The following ZNF208 variants were observed in gnomAD, a reference collection of about 807,000 sequenced individuals.
ZNF208 encodes the protein zinc finger protein 95.
ZNF208 carries 10 observed loss-of-function variants against 12.1 expected under a neutral mutation model. The observed-to-expected ratio is 0.83, with a 90% confidence interval of 0.51 to 1.40. The LOEUF is 1.40. Among genes scored for constraint, ZNF208 ranks in the 40% most tolerant of loss-of-function variants. The probability of loss-of-function intolerance (pLI) is 0.00; values close to 1 mark genes in which losing one functional copy is unlikely to be tolerated. For synonymous variants in ZNF208, 497 were observed against 488.4 expected (o/e 1.02, Z -0.23); for missense variants, 1,652 against 1,485.0 (o/e 1.11, Z -1.85).
Position 21,958,865 on chromosome 19 carries a change from G to A in ZNF208, c.305+15864C>T, listed in dbSNP as rs12983951. On this transcript the variant is annotated intron_variant, in intron 4 of 4. Transcript: ENST00000599916. ...GGGATTAGCTAGTTAGCCTAAGGTG[G>A]ACAGCAAGGGAAGGGTCCCCAGAGA... 4.1e-3 allele frequency among the ~76,000 whole-genome samples: 629 copies of A among 152,178 alleles called. 1 individual carries two copies. The highest frequency in any genetic ancestry group is 6.2e-3 in the Admixed American group (95 of 15,270).
intron 1 of ZNF208, among the ~76,000 whole-genome samples, chr19:22,010,316 T>C (rs1027917327): frequency 6.6e-6 from 1 of 152,238 alleles, no homozygotes; most frequent in Non-Finnish European, 1.5e-5. Flanking sequence ...GACCATTAAC[T>C]ACAACCCATA....
rs192478024 is a variant in ZNF208 at position 21,956,588 on chromosome 19, T to G, written c.305+18141A>C. The stretch of plus-strand genomic sequence containing the variant: ...GCCACCTTGCAGTTCAATCTCAGAC[T>G]GCTGTGCTAGCAGTGAGTAAGGCTC... On this transcript the variant is annotated intron_variant, in intron 4 of 4. Coordinates refer to the ZNF208 transcript ENST00000599916. 2.0e-5 allele frequency among the ~76,000 whole-genome samples: 3 copies of G among 152,328 alleles called. No homozygotes were observed. The East Asian group carries it at 5.8e-4, about 29-fold the overall frequency.
At chr19:21,953,017 A>C (rs1599603075) in intron 4 of ZNF208, among the ~76,000 whole-genome samples, 1 of 151,616 alleles carries the variant, frequency 6.6e-6, no homozygotes, top group African/African-American at 2.4e-5. Flanking sequence ...AACACGATGC[A>C]TGCACAAGCT....
chr19:21,942,694 G>C (rs1341704854), intron 4 of ZNF208, among the ~76,000 whole-genome samples: 3 of 151,874 alleles, frequency 2.0e-5, no homozygotes, highest in African/African-American at 7.3e-5. Flanking sequence ...TGTCATCCGG[G>C]CTGGAATGCA....
intron 4 of ZNF208, among the ~76,000 whole-genome samples, chr19:21,947,871 G>A (rs1264045454): frequency 5.3e-5 from 8 of 152,150 alleles, no homozygotes; most frequent in Admixed American, 2.0e-4. Flanking sequence ...AGCCACTGGA[G>A]TACCTTGAGA....
Position 21,974,356 on chromosome 19 carries a change from C to G in ZNF208, c.678G>C (p.Glu226Asp), listed in dbSNP as rs1326299631. 5 of 1,613,782 alleles carry G rather than the reference C, an allele frequency of 3.1e-6. No individual in the cohort carries two copies. The highest frequency in any genetic ancestry group is 3.4e-6 in the Non-Finnish European group (4 of 1,179,800). ...CACATTCTTTACATCTGTAGGGTTT[C>G]TCTCCAGTATGAGCACTCTTATAAT... ...LTYYKSAHTG[E>D]KPYRCKECGK... The change falls in exon 4 of 4, where the codon GAG becomes GAC. Residue 226 changes from glutamate (E) to aspartate (D), a missense_variant. Physicochemically the swap from Glu to Asp is conservative, Grantham distance 45 (BLOSUM62 2). Around this residue, in one of 3 missense-constraint regions of ZNF208, gnomAD observed 410 missense variants for 378.2 expected, o/e 1.08. Transcript: ENST00000397126.
chr19:21,944,713 AAT>A (rs1969790388), intron 4 of ZNF208, among the ~76,000 whole-genome samples: 2 of 152,226 alleles, frequency 1.3e-5, no homozygotes, highest in Admixed American at 6.5e-5. Context: ...ATCAAGCTGA[AAT>A]ATGTTTGATT....
At chr19:21,977,238 T>C (rs1970448121) in intron 3 of ZNF208, among the ~76,000 whole-genome samples, 1 of 152,174 alleles carries the variant, frequency 6.6e-6, no homozygotes, top group African/African-American at 2.4e-5. Flanking sequence ...AGTAGGATAT[T>C]ATTACACCAC....
intron 4 of ZNF208, among the ~76,000 whole-genome samples, chr19:21,953,265 C>A (rs1264965122): frequency 1.3e-5 from 2 of 152,086 alleles, no homozygotes; most frequent in Non-Finnish European, 2.9e-5. Context: ...AGGAGAACTT[C>A]CCCAACCTAG....
intron 4 of ZNF208, among the ~76,000 whole-genome samples, chr19:21,952,556 A>G (rs1969906601): frequency 6.6e-6 from 1 of 152,212 alleles, no homozygotes; most frequent in South Asian, 2.1e-4. Flanking sequence ...CCTCCAGAAA[A>G]TTCCAACAAA....
downstream of ZNF208, among the ~76,000 whole-genome samples, chr19:21,962,632 C>T (rs1180260461): frequency 6.6e-6 from 1 of 152,106 alleles, no homozygotes; most frequent in African/African-American, 2.4e-5. Context: ...CTCATCCACA[C>T]ATCACTTCCA....
At chr19:21,984,187 C>T (rs2145563019) in intron 3 of ZNF208, among the ~76,000 whole-genome samples, 1 of 152,196 alleles carries the variant, frequency 6.6e-6, no homozygotes, top group Non-Finnish European at 1.5e-5. Context: ...TTTTTTAAAA[C>T]TGAAATTTTA....
intron 3 of ZNF208, among the ~76,000 whole-genome samples, chr19:21,982,893 C>T (rs1244318171): frequency 6.6e-6 from 1 of 152,180 alleles, no homozygotes; most frequent in African/African-American, 2.4e-5. Context: ...AAATGTAACA[C>T]TGCAAACCAT....
intron 3 of ZNF208, chr19:21,986,927 A>G (rs1331118023): frequency 1.7e-5 from 7 of 414,786 alleles, no homozygotes; most frequent in African/African-American, 1.2e-4. Flanking sequence ...GTCCACAAAA[A>G]CAAACAAACA....
Position 21,969,037 on chromosome 19 carries a change from A to G in ZNF208, c.*2154T>C, listed in dbSNP as rs1195118267. Among the ~76,000 whole-genome samples the G allele has an allele frequency of 6.6e-6, 1 of 152,172 alleles. No individual in the cohort carries two copies. Among genetic ancestry groups the G allele is most frequent in the African/African-American group, 2.4e-5 (1 of 41,442 alleles). On this transcript the variant is annotated 3_prime_UTR_variant, in exon 4 of 4. Transcript: ENST00000397126. ...ATCTGTACTAAAAATACAAAAAATTAGCTGGGAGTGGCGGCGGGCGCCTGT... is the reference window on the plus strand; with the variant it reads ...ATCTGTACTAAAAATACAAAAAATTGGCTGGGAGTGGCGGCGGGCGCCTGT...
chr19:21,975,000 T>C (rs1402903429), intron 3 of ZNF208, among the ~76,000 whole-genome samples, 193 bp from the exon 4 acceptor site: 1 of 152,190 alleles, frequency 6.6e-6, no homozygotes, highest in African/African-American at 2.4e-5. Flanking sequence ...GGATAATTTA[T>C]ACATGAGTTA....
rs1444984556 is a variant in ZNF208 at position 21,974,439 on chromosome 19, T to A, written c.595A>T (p.Asn199Tyr). ...CCACCTTCTTCACATTTGTAGGAAT[T>A]CTCTCTAGTATAAATTCTTTTATGT... ...SQHKRIYTRE[N>Y]SYKCEEGGKA... Residue 199 changes from asparagine (N) to tyrosine (Y), a missense_variant, in exon 4 of 4, where the codon AAT becomes TAT. By Grantham distance (143) the Asn-to-Tyr change is moderately radical (BLOSUM62 -2). Coordinates refer to ENST00000397126, the MANE Select transcript of ZNF208 (RefSeq NM_007153.3). 6.2e-7 allele frequency: 1 copy of A among 1,613,716 alleles called. No homozygotes were observed. Among genetic ancestry groups the A allele is most frequent in the Non-Finnish European group, 8.5e-7 (1 of 1,179,822 alleles).
intron 4 of ZNF208, among the ~76,000 whole-genome samples, chr19:21,949,882 C>T (rs536825912): frequency 2.6e-5 from 4 of 152,302 alleles, no homozygotes; most frequent in South Asian, 2.1e-4. Flanking sequence ...CCACATAGGA[C>T]TGCTGTCCTC....
intron 3 of ZNF208, chr19:21,986,659 A>T (rs751433043): frequency 1.1e-5 from 2 of 174,914 alleles, no homozygotes; most frequent in Non-Finnish European, 2.4e-5. Context: ...TAAAATTTAC[A>T]TGAAACTACA....
Sources: gnomAD v4.1 joint callset for allele counts (sites outside exome capture counted in the v4.1 genomes callset) on GRCh38, gnomAD v4.1.1 for gene constraint, gnomAD v4.1.1 regional missense constraint, MANE v1.5 for transcripts, NCBI Gene and HGNC (gene_info 2026-07-23, HGNC 2026-07-21) for gene names.